The following ANK3 variants were observed in gnomAD, a reference collection of about 807,000 sequenced individuals.
ANK3 encodes the protein ankyrin 3.
In ANK3, 57 loss-of-function variants were observed where a neutral mutation model predicts 370.9. The ratio of observed to expected loss-of-function variants is 0.15; its 90% confidence interval spans 0.12 to 0.19. ANK3 has a LOEUF of 0.19. Ranked by LOEUF, ANK3 falls within the 10% of genes least tolerant of loss-of-function variation. ANK3 has a pLI of 1.00. For synonymous variants in ANK3, 1,929 were observed against 1,946.3 expected, an observed-to-expected ratio of 0.99 and a Z score of 0.23; for missense variants, 4,439 against 5,302.1, an observed-to-expected ratio of 0.84 and a Z score of 5.06.
chr10:60,058,633 G>C (rs2079687611), intron 41 of ANK3, among the ~76,000 whole-genome samples: 1 of 152,182 alleles, frequency 6.6e-6, no homozygotes. Flanking sequence ...ATTGGTAGAT[G>C]ATGGGGTGTA....
chr10:60,222,815 TC>T lies in ANK3; in HGVS notation c.898-9306del, dbSNP rs2097083839. Among the ~76,000 whole-genome samples the T allele has an allele frequency of 2.0e-5, 3 of 152,310 alleles. No homozygotes were observed. The East Asian group carries it at 5.8e-4, about 29-fold the overall frequency. ...CACGCCATTTCATGTACCTGAGAGT[TC>T]CTTTCCCACTTCCTACAGGATCCTT... On this transcript the variant is annotated intron_variant, in intron 8 of 43. Coordinates refer to ENST00000280772, the MANE Select transcript of ANK3 (RefSeq NM_020987.5).
intron 1 of ANK3, among the ~76,000 whole-genome samples, chr10:60,720,080 C>T (rs1350290291): frequency 6.6e-6 from 1 of 152,140 alleles, no homozygotes; most frequent in Non-Finnish European, 1.5e-5. Context: ...GAAGTTTAAG[C>T]AAAAGAATCT....
At chr10:60,332,436 G>A (rs565655954) in intron 1 of ANK3, among the ~76,000 whole-genome samples, 2 of 152,254 alleles carry the variant, frequency 1.3e-5, no homozygotes, top group East Asian at 1.9e-4. Context: ...AGGTGTTGGC[G>A]CCACTGTTCT....
chr10:60,269,777 G>C (rs369035685), intron 5 of ANK3, among the ~76,000 whole-genome samples: 2 of 151,578 alleles, frequency 1.3e-5, no homozygotes, highest in African/African-American at 4.9e-5. Flanking sequence ...TAAAACTAAT[G>C]TTTTATTGAA....
chr10:60,505,317 T>C (rs1353750570), intron 2 of ANK3, among the ~76,000 whole-genome samples: 1 of 151,984 alleles, frequency 6.6e-6, no homozygotes, highest in African/African-American at 2.4e-5. Flanking sequence ...ATAAAAGATA[T>C]ATATATAAAT....
intron 1 of ANK3, among the ~76,000 whole-genome samples, chr10:60,365,734 A>G (rs563849146): frequency 2.6e-5 from 4 of 152,152 alleles, no homozygotes; most frequent in Non-Finnish European, 5.9e-5. Flanking sequence ...TGTTGTCTCT[A>G]TCTTATACAT....
intron 1 of ANK3, among the ~76,000 whole-genome samples, chr10:60,361,947 T>C (rs996538989): frequency 1.6e-4 from 24 of 152,118 alleles, no homozygotes; most frequent in African/African-American, 5.1e-4. Context: ...AATAAAACAA[T>C]ACAAAAAACT....
At chr10:60,593,404 G>A (rs926490709) in intron 2 of ANK3, among the ~76,000 whole-genome samples, 103 of 152,240 alleles carry the variant, frequency 6.8e-4, no homozygotes, top group African/African-American at 2.4e-3. Context: ...ATCGTGCCTT[G>A]ATCTCAAAGG....
At chr10:60,434,633 G>T (rs2064112679) in intron 2 of ANK3, among the ~76,000 whole-genome samples, 1 of 152,160 alleles carries the variant, frequency 6.6e-6, no homozygotes, top group African/African-American at 2.4e-5. Flanking sequence ...CCACCCTGTG[G>T]AATATTCAGA....
intron 2 of ANK3, among the ~76,000 whole-genome samples, chr10:60,476,223 T>G (rs2075060038): frequency 2.0e-5 from 3 of 152,154 alleles, no homozygotes; most frequent in Admixed American, 1.3e-4. Context: ...TTCCAAATTT[T>G]TTCTCCAAAA....
intron 2 of ANK3, among the ~76,000 whole-genome samples, chr10:60,439,164 G>A (rs1218314904): frequency 1.3e-5 from 2 of 152,132 alleles, no homozygotes; most frequent in Non-Finnish European, 2.9e-5. Context: ...AGCCTTTCAA[G>A]GTGAATTTTG....
intron 21 of ANK3, among the ~76,000 whole-genome samples, chr10:60,168,532 T>C (rs1001327444): frequency 1.3e-5 from 2 of 152,108 alleles, no homozygotes; most frequent in Non-Finnish European, 2.9e-5. Context: ...TCTCAGACTT[T>C]CCTTGTTTTT....
At chr10:60,468,597 T>G (rs2065064659) in intron 2 of ANK3, among the ~76,000 whole-genome samples, 1 of 152,124 alleles carries the variant, frequency 6.6e-6, no homozygotes. Context: ...TTACCATGAT[T>G]ACTGATTCAT....
chr10:60,485,314 C>T (rs1458828262), intron 2 of ANK3, among the ~76,000 whole-genome samples: 1 of 117,210 alleles, frequency 8.5e-6, no homozygotes, highest in Non-Finnish European at 2.1e-5. Context: ...TTTAGGAAGG[C>T]TACAGTCTCG....
chr10:60,237,248 C>G (rs1256767170), intron 7 of ANK3, among the ~76,000 whole-genome samples: 1 of 152,166 alleles, frequency 6.6e-6, no homozygotes, highest in Non-Finnish European at 1.5e-5. Context: ...GTGTATTGCT[C>G]TAGTGACCCA....
chr10:60,679,252 A>C (rs903487427), intron 1 of ANK3, among the ~76,000 whole-genome samples: 4 of 152,214 alleles, frequency 2.6e-5, no homozygotes, highest in Non-Finnish European at 5.9e-5. Context: ...ATACTGTTAC[A>C]GTACGTAGTT....
intron 28 of ANK3, among the ~76,000 whole-genome samples, chr10:60,092,861 A>G (rs2088950099): frequency 6.6e-6 from 1 of 152,164 alleles, no homozygotes; most frequent in South Asian, 2.1e-4. Context: ...TCAGCCTCCC[A>G]AGTAGCTGTG....
chr10:60,093,194 G>A (rs10994193), intron 28 of ANK3, among the ~76,000 whole-genome samples: 50,916 of 152,040 alleles, frequency 0.33, 8,687 homozygotes, highest in Middle Eastern at 0.38. Context: ...CCATGATTTG[G>A]CTTAAGAGAG....
At chr10:60,718,206 T>C (rs944966092) in intron 1 of ANK3, among the ~76,000 whole-genome samples, 1 of 152,240 alleles carries the variant, frequency 6.6e-6, no homozygotes, top group African/African-American at 2.4e-5. Flanking sequence ...AAGACAGTTT[T>C]AGGCCAAATT....
Sources: allele counts gnomAD v4.1 joint callset (sites outside exome capture counted in the v4.1 genomes callset), GRCh38; gene constraint gnomAD v4.1.1; transcripts MANE v1.5; gene names NCBI Gene and HGNC (gene_info 2026-07-23, HGNC 2026-07-21).